The following HORMAD2 variants were observed in gnomAD, a reference collection of about 807,000 sequenced individuals.
The protein encoded by HORMAD2 is HORMA domain-containing protein 2.
In HORMAD2, 45 loss-of-function variants were observed where a neutral mutation model predicts 38.8. The observed-to-expected ratio is 1.16, with a 90% confidence interval of 0.91 to 1.49. The LOEUF (loss-of-function observed/expected upper bound fraction) is 1.49, where lower values mean the gene tolerates loss of function less well. Among genes scored for constraint, HORMAD2 ranks in the 40% most tolerant of loss-of-function variants. The pLI is 0.00. For synonymous variants in HORMAD2, 126 were observed against 122.8 expected (o/e 1.03, Z -0.17); for missense variants, 338 against 367.0 (o/e 0.92, Z 0.65).
At chr22:30,129,463 T>C (rs1381755804) in intron 10 of HORMAD2, among the ~76,000 whole-genome samples, 1 of 152,090 alleles carries the variant, frequency 6.6e-6, no homozygotes, top group African/African-American at 2.4e-5. Context: ...ATATTATCAC[T>C]TTCAATCTTC....
chr22:30,154,180 A>G (rs916152053), intron 10 of HORMAD2, among the ~76,000 whole-genome samples: 7 of 152,138 alleles, frequency 4.6e-5, no homozygotes, highest in African/African-American at 1.2e-4. Flanking sequence ...TCACTTACAC[A>G]TGGACACATT....
chr22:30,181,461 T>G (rs1380629667), downstream of HORMAD2, among the ~76,000 whole-genome samples: 1 of 152,140 alleles, frequency 6.6e-6, no homozygotes, highest in Non-Finnish European at 1.5e-5. Context: ...TCCCTTTCCA[T>G]CAAGATAGTT....
intron 10 of HORMAD2, among the ~76,000 whole-genome samples, chr22:30,162,237 G>T (rs1925487135): frequency 6.6e-6 from 1 of 151,974 alleles, no homozygotes; most frequent in South Asian, 2.1e-4. Flanking sequence ...TACCTGAGAT[G>T]GGGAGGTCAA....
At chr22:30,088,198 TACATATATACATATATAC>T (rs1360685009) in intron 1 of HORMAD2, among the ~76,000 whole-genome samples, 19 of 150,172 alleles carry the variant, frequency 1.3e-4, no homozygotes, top group African/African-American at 4.4e-4. Context: ...TACCTATGTA[TACATATATACATATATAC>T]ACATATATAC....
chr22:30,124,987 A>G (rs1244531512), intron 10 of HORMAD2, among the ~76,000 whole-genome samples: 1 of 152,060 alleles, frequency 6.6e-6, no homozygotes, highest in East Asian at 1.9e-4. Flanking sequence ...TCATGATGTT[A>G]ATTTGAATTT....
intron 7 of HORMAD2, among the ~76,000 whole-genome samples, chr22:30,113,606 A>G (rs1001992717): frequency 1.3e-5 from 2 of 152,104 alleles, no homozygotes; most frequent in Admixed American, 6.6e-5. Flanking sequence ...TACTTGTGCC[A>G]CTTTGAATGT....
At chr22:30,168,460 G>A (rs1925917521) in intron 10 of HORMAD2, among the ~76,000 whole-genome samples, 1 of 152,118 alleles carries the variant, frequency 6.6e-6, no homozygotes, top group Non-Finnish European at 1.5e-5. Flanking sequence ...AATGCCTGGT[G>A]GACATCTTCA....
intron 10 of HORMAD2, among the ~76,000 whole-genome samples, chr22:30,140,104 A>C (rs892367631): frequency 6.6e-6 from 1 of 152,000 alleles, no homozygotes; most frequent in African/African-American, 2.4e-5. Context: ...GCTTCATAAA[A>C]ATGAGTTGAA....
At chr22:30,173,347 G>A (rs1434121658) in intron 10 of HORMAD2, among the ~76,000 whole-genome samples, 2 of 152,198 alleles carry the variant, frequency 1.3e-5, no homozygotes, top group Admixed American at 6.5e-5. Context: ...GTGGCAGTAG[G>A]GACCAGTGAT....
At chr22:30,155,561 T>G (rs1925017955) in intron 10 of HORMAD2, among the ~76,000 whole-genome samples, 2 of 152,146 alleles carry the variant, frequency 1.3e-5, no homozygotes, top group Admixed American at 6.5e-5. Context: ...ATCAGCCATT[T>G]CTTCAAGGAT....
chr22:30,156,591 T>A (rs1387182394), intron 10 of HORMAD2, among the ~76,000 whole-genome samples: 1 of 152,258 alleles, frequency 6.6e-6, no homozygotes, highest in Non-Finnish European at 1.5e-5. Context: ...TAGTTTCTGA[T>A]GCCTGACGCC....
At chr22:30,155,070 T>A (rs1489182174) in intron 10 of HORMAD2, among the ~76,000 whole-genome samples, 1 of 147,134 alleles carries the variant, frequency 6.8e-6, no homozygotes, top group Non-Finnish European at 1.5e-5. Context: ...GAGACCTTGC[T>A]TTTTTTAAAA....
chr22:30,155,887 T>C (rs529128807), intron 10 of HORMAD2, among the ~76,000 whole-genome samples: 18 of 152,314 alleles, frequency 1.2e-4, no homozygotes, highest in African/African-American at 4.1e-4. Flanking sequence ...GCCACCTTCC[T>C]TGTACACATA....
chr22:30,088,307 AC>A (rs2068622888), intron 1 of HORMAD2, among the ~76,000 whole-genome samples: 1 of 151,048 alleles, frequency 6.6e-6, no homozygotes, highest in Non-Finnish European at 1.5e-5. Context: ...ACACATATAT[AC>A]ATATATGTAT....
At chr22:30,207,174 A>G in the HORMAD2 span, 144 of 454,150 alleles carry the variant, frequency 3.2e-4, 1 homozygote, top group Middle Eastern at 6.6e-3. Context: ...CTGAATCCGC[A>G]GAGAGGTTTG....
chr22:30,116,738 G>A (rs1922069872), intron 7 of HORMAD2, among the ~76,000 whole-genome samples: 1 of 152,148 alleles, frequency 6.6e-6, no homozygotes. Context: ...TTTATTAGTT[G>A]CTTCAGGGAT....
intron 10 of HORMAD2, among the ~76,000 whole-genome samples, chr22:30,163,719 C>T (rs926710657): frequency 2.6e-5 from 4 of 152,180 alleles, no homozygotes; most frequent in African/African-American, 7.2e-5. Context: ...TGAACCACCA[C>T]GCCCGGCCAT....
upstream of HORMAD2, chr22:30,080,202 C>A (rs1180718756): frequency 6.6e-6 from 1 of 152,424 alleles, no homozygotes; most frequent in Non-Finnish European, 1.5e-5. Context: ...GCTGGCGGCC[C>A]CTGACCGAAG....
At chr22:30,206,326 C>G in the HORMAD2 span, among the ~76,000 whole-genome samples, 1 of 152,154 alleles carries the variant, frequency 6.6e-6, no homozygotes, top group Non-Finnish European at 1.5e-5. Flanking sequence ...GCCACCACAC[C>G]CAGCTAATTT....
Sources: allele counts gnomAD v4.1 joint callset (sites outside exome capture counted in the v4.1 genomes callset), GRCh38; gene constraint gnomAD v4.1.1; transcripts MANE v1.5; gene names NCBI Gene and HGNC (gene_info 2026-07-23, HGNC 2026-07-21).